Variants in WDR7 observed in about 807,000 individuals in gnomAD.
The protein encoded by WDR7 is WD repeat-containing protein 7.
In WDR7, 46 loss-of-function variants were observed where a neutral mutation model predicts 169.4. The ratio of observed to expected loss-of-function variants is 0.27; its 90% CI spans 0.21 to 0.35. The LOEUF is 0.35. Among genes scored for constraint, WDR7 ranks in the 10% least tolerant of loss-of-function variants. WDR7 has a pLI of 1.00. For missense variants in WDR7, 1,534 were observed against 1,859.3 expected, an observed-to-expected ratio of 0.83 and a Z score of 3.22; for synonymous variants, 612 against 666.8, an observed-to-expected ratio of 0.92 and a Z score of 1.27.
intron 21 of WDR7, among the ~76,000 whole-genome samples, chr18:56,899,337 T>G (rs2046371226): frequency 6.6e-6 from 1 of 152,112 alleles, no homozygotes; most frequent in Non-Finnish European, 1.5e-5. Context: ...AATTCATTAT[T>G]TTAAATAGGT....
At chr18:56,779,708 C>T (rs758298777) in intron 18 of WDR7, among the ~76,000 whole-genome samples, 159 bp downstream of exon 18, 2 of 152,124 alleles carry the variant, frequency 1.3e-5, no homozygotes, top group Non-Finnish European at 2.9e-5. Context: ...TCTTTGTCAG[C>T]TTTTATACCA....
intron 14 of WDR7, among the ~76,000 whole-genome samples, chr18:56,737,154 TG>T: frequency 6.6e-6 from 1 of 152,246 alleles, no homozygotes; most frequent in South Asian, 2.1e-4. Context: ...AGCAGTTCAG[TG>T]GATTAGGAGT....
At chr18:56,718,324 A>G (rs1416474416) in intron 13 of WDR7, among the ~76,000 whole-genome samples, 165 bp downstream of exon 13, 1 of 152,200 alleles carries the variant, frequency 6.6e-6, no homozygotes, top group African/African-American at 2.4e-5. Context: ...TGCTATGCCA[A>G]ATGTTTGTAG....
chr18:56,703,728 A>G (rs1217326706), intron 12 of WDR7, among the ~76,000 whole-genome samples: 2 of 152,128 alleles, frequency 1.3e-5, no homozygotes, highest in Non-Finnish European at 2.9e-5. Flanking sequence ...TTTGTCACTA[A>G]GAATATTCCT....
intron 27 of WDR7, among the ~76,000 whole-genome samples, chr18:57,021,824 C>A: frequency 6.6e-6 from 1 of 151,904 alleles, no homozygotes; most frequent in African/African-American, 2.4e-5. Flanking sequence ...AAATCTAAAA[C>A]AAAACAAAAT....
intron 26 of WDR7, among the ~76,000 whole-genome samples, chr18:57,007,796 G>A (rs1199050654): frequency 6.6e-6 from 1 of 152,164 alleles, no homozygotes; most frequent in Non-Finnish European, 1.5e-5. Flanking sequence ...TACTGCTAGT[G>A]TCTCCTGTCG....
At chr18:56,884,595 G>C (rs2046160478) in intron 21 of WDR7, among the ~76,000 whole-genome samples, 1 of 152,138 alleles carries the variant, frequency 6.6e-6, no homozygotes, top group East Asian at 1.9e-4. Flanking sequence ...TGTCTAGAAG[G>C]GCCTGAGAAC....
At chr18:56,781,426 G>T in intron 18 of WDR7, 107 bp from the exon 19 acceptor site, 2 of 1,216,444 alleles carry the variant, frequency 1.6e-6, no homozygotes, top group South Asian at 2.8e-5. Flanking sequence ...AATAAATATG[G>T]TTTTTATGTT....
intron 14 of WDR7, among the ~76,000 whole-genome samples, chr18:56,743,472 CAG>C (rs1270833335): frequency 2.0e-5 from 3 of 152,072 alleles, no homozygotes; most frequent in Non-Finnish European, 4.4e-5. Context: ...AACCTGTAAA[CAG>C]AGGGAATCAA....
intron 26 of WDR7, among the ~76,000 whole-genome samples, chr18:57,001,047 A>AAGAGAGAGAGAG (rs10536689): frequency 7.7e-6 from 1 of 129,422 alleles, no homozygotes; most frequent in African/African-American, 3.2e-5. Context: ...ATCTCTACAA[A>AAGAGAGAGAGAG]AGAGAGAGAG....
chr18:56,952,917 T>A (rs960469940), intron 25 of WDR7, among the ~76,000 whole-genome samples: 6 of 152,280 alleles, frequency 3.9e-5, no homozygotes, highest in African/African-American at 1.4e-4. Flanking sequence ...AGAAAAAGAT[T>A]AGTGGTTGCC....
At chr18:56,884,285 G>T (rs546535658) in intron 21 of WDR7, among the ~76,000 whole-genome samples, 9 of 152,104 alleles carry the variant, frequency 5.9e-5, no homozygotes, top group East Asian at 1.9e-4. Flanking sequence ...TCATATGTTT[G>T]TTGGCCATTT....
rs1598981710 is a variant in WDR7 at position 56,711,307 on chromosome 18, A to C, written c.1579-6657A>C. 1.3e-5 allele frequency among the ~76,000 whole-genome samples: 2 copies of C among 152,144 alleles called. 1 individual carries two copies. On this transcript the variant is annotated intron_variant, in intron 12 of 27. Coordinates refer to ENST00000254442, the MANE Select transcript of WDR7 (RefSeq NM_015285.3). ...AGACTTGATAAGAAACAATGGCTAA[A>C]TTAAAAACAAACATAAAATAATATA...
chr18:56,938,733 C>G (rs1168307582), intron 24 of WDR7, 51 bp downstream of exon 24: 9 of 1,592,876 alleles, frequency 5.7e-6, no homozygotes, highest in Admixed American at 3.5e-5. Context: ...ATTAAATATT[C>G]TAATGAAGTA....
At chr18:57,035,123 A>G in the WDR7 span, 1 of 152,272 alleles carries the variant, frequency 6.6e-6, no homozygotes, top group Non-Finnish European at 1.5e-5. Context: ...TCTCCCATGC[A>G]AAACTACACA....
At chr18:56,686,815 A>G (rs1598961433) in intron 6 of WDR7, 40 bp from the exon 7 acceptor site, 1 of 1,466,046 alleles carries the variant, frequency 6.8e-7, no homozygotes, top group Non-Finnish European at 9.5e-7. Flanking sequence ...TTAATTGACA[A>G]TCATGCTATT....
chr18:56,727,797 G>C (rs891945821), intron 13 of WDR7, among the ~76,000 whole-genome samples: 1 of 151,978 alleles, frequency 6.6e-6, no homozygotes, highest in African/African-American at 2.4e-5. Context: ...CCTCACTCTT[G>C]GGGTATACAT....
chr18:56,662,014 C>T (rs1287003180), intron 1 of WDR7, among the ~76,000 whole-genome samples: 1 of 152,142 alleles, frequency 6.6e-6, no homozygotes, highest in South Asian at 2.1e-4. Context: ...CCTTTACAAA[C>T]TTCTCATTCT....
chr18:56,908,339 G>T (rs183988253), intron 21 of WDR7, among the ~76,000 whole-genome samples: 4 of 152,228 alleles, frequency 2.6e-5, no homozygotes, highest in African/African-American at 9.6e-5. Context: ...TGCCATCCTT[G>T]GGAAACTCTG....
Sources: allele counts gnomAD v4.1 joint callset (sites outside exome capture counted in the v4.1 genomes callset), GRCh38; gene constraint gnomAD v4.1.1; transcripts MANE v1.5; gene names NCBI Gene and HGNC (gene_info 2026-07-23, HGNC 2026-07-21).